The following CHIT1 variants were observed in gnomAD, a reference collection of about 807,000 sequenced individuals.
The protein encoded by CHIT1 is chitinase 1, also known as chitotriosidase-1.
A neutral mutation model predicts 52.0 loss-of-function variants in CHIT1; 47 were observed. That is an observed-to-expected ratio of 0.90 (90% CI 0.71 to 1.15). CHIT1 has a LOEUF of 1.15. CHIT1 is among the 50% of genes most tolerant of loss of function. CHIT1 has a pLI of 0.00. For missense variants in CHIT1, 569 were observed against 583.0 expected (o/e 0.98, Z 0.25); for synonymous variants, 242 against 228.2 (o/e 1.06, Z -0.54).
intron 9 of CHIT1, 55 bp from the exon 10 acceptor site, chr1:203,217,920 C>T: frequency 6.4e-7 from 1 of 1,573,422 alleles, no homozygotes; most frequent in Non-Finnish European, 8.6e-7. Flanking sequence ...CCCGGCCACC[C>T]CAGAGCCTGG....
At position 203,225,093 on chromosome 1, in the gene CHIT1, A is replaced by C. The variant is rs749800935; in HGVS notation, c.269T>G (p.Leu90Arg). The C allele has an allele frequency of 7.4e-6, 12 of 1,613,878 alleles. No individual in the cohort carries two copies. The highest frequency in any genetic ancestry group is 1.0e-5 in the Non-Finnish European group (12 of 1,179,942). ...FNGLKKMNPK[L>R]KTLLAIGGWN... ...GCCTCCGATGGCTAACAGGGTCTTC[A>C]GCTTGGGATTCCTGGGAAAGACAGG... The change falls in exon 4 of 11, where the codon CTG becomes CGG. Residue 90 changes from leucine to arginine, a missense_variant. Physicochemically the swap from Leu to Arg is moderately radical, Grantham distance 102. Coordinates refer to ENST00000367229, the MANE Select transcript of CHIT1 (RefSeq NM_003465.3).
At chr1:203,219,976 T>C (rs1220723892) in intron 7 of CHIT1, 127 bp from the exon 8 acceptor site, 1 of 1,179,304 alleles carries the variant, frequency 8.5e-7, no homozygotes, top group African/African-American at 1.5e-5. Flanking sequence ...GGGCCTTTGT[T>C]AGGATTCCAG....
At chr1:203,218,867 C>T (rs1245654164) in intron 9 of CHIT1, among the ~76,000 whole-genome samples, 10 of 152,152 alleles carry the variant, frequency 6.6e-5, no homozygotes, top group Non-Finnish European at 1.3e-4. Flanking sequence ...ATAAGTAAAG[C>T]AAAAGGTCTG....
intron 2 of CHIT1, among the ~76,000 whole-genome samples, chr1:203,227,656 A>G (rs1180730889): frequency 6.6e-6 from 1 of 152,228 alleles, no homozygotes; most frequent in East Asian, 1.9e-4. Flanking sequence ...GGAACACTGC[A>G]AGGAAGAAGT....
rs769203293 is a variant in CHIT1 at position 203,217,112 on chromosome 1, C to G, written c.1178G>C (p.Gly393Ala). 1 of 1,608,270 alleles carries G rather than the reference C, an allele frequency of 6.2e-7. No homozygotes were observed. Among genetic ancestry groups the G allele is most frequent in the Admixed American group, 1.7e-5 (1 of 60,032 alleles). Residue 393 changes from glycine to alanine, a missense_variant, in exon 11 of 11, where the codon GGC becomes GCC. Gly to Ala is a moderately conservative substitution (Grantham distance 60). Coordinates refer to ENST00000367229, the MANE Select transcript of CHIT1 (RefSeq NM_003465.3). ...TTTTGGAACTTCAAGCTCTGGGGTGCCTGAAGGCAAGTATGGAAGACCTGG... is the reference window on the plus strand; with the variant it reads ...TTTTGGAACTTCAAGCTCTGGGGTGGCTGAAGGCAAGTATGGAAGACCTGG... ...QELSLPYLPSGTPELEVPKPG... is the reference protein window; with the variant it reads ...QELSLPYLPSATPELEVPKPG...
In CHIT1 at chr1:203,222,225, C is replaced by T; in HGVS notation, c.706G>A (p.Gly236Ser). The change falls in exon 7 of 11, where the codon GGT becomes AGT. Residue 236 changes from glycine (G) to serine (S), a missense_variant. Transcript: ENST00000367229. ...SPLYKRQEES[G>S]AAASLNVDAA... The stretch of plus-strand genomic sequence containing the variant: ...ACCACGTTGAGGCTGGCTGCTGCAC[C>T]ACTCTCTTCTTGCCTCTTGTAGAGG... 6.2e-7 allele frequency: 1 copy of T among 1,614,154 alleles called. No individual in the cohort carries two copies. Among genetic ancestry groups the T allele is most frequent in the Non-Finnish European group, 8.5e-7 (1 of 1,180,036 alleles).
At chr1:203,217,360 A>T (rs1227740729) in intron 10 of CHIT1, 7 of 1,509,604 alleles carry the variant, frequency 4.6e-6, no homozygotes, top group Non-Finnish European at 5.3e-6. Context: ...CAGGCAGTTA[A>T]GGCTTTACCC....
rs776728163 is a variant in CHIT1, at chr1:203,225,703, T to C, written c.223A>G (p.Thr75Ala). 6.2e-7 allele frequency: 1 copy of C among 1,613,456 alleles called. No homozygotes were observed. The highest frequency in any genetic ancestry group is 8.5e-7 in the Non-Finnish European group (1 of 1,179,904). ...QLSTTEWNDE[T>A]LYQEFNGLKK... Reference sequence around the variant, plus strand: ...AGGCCATTGAACTCCTGGTAGAGAGTCTCGTCATTCCACTCAGTGGTGCTC... The same window carrying C: ...AGGCCATTGAACTCCTGGTAGAGAGCCTCGTCATTCCACTCAGTGGTGCTC... The change falls in exon 3 of 11, where the codon ACT becomes GCT. Residue 75 changes from threonine (T) to alanine (A), a missense_variant. Physicochemically the swap from Thr to Ala is moderately conservative, Grantham distance 58. Coordinates refer to ENST00000367229, the MANE Select transcript of CHIT1 (RefSeq NM_003465.3).
chr1:203,229,077 C>T (rs1342704108), intron 1 of CHIT1, among the ~76,000 whole-genome samples: 1 of 152,174 alleles, frequency 6.6e-6, no homozygotes, highest in Non-Finnish European at 1.5e-5. Context: ...GACCTAGGGT[C>T]TGACAGGACT....
chr1:203,229,607 C>T lies in CHIT1; in HGVS notation c.25+5G>A, dbSNP rs375254192. The T allele has an allele frequency of 1.2e-6, 2 of 1,613,982 alleles. No homozygotes were observed. The highest frequency in any genetic ancestry group is 2.7e-5 in the African/African-American group (2 of 74,936). ...CGAGACCCAGCCCACTATCCGACGG[C>T]TCACCTGCCCAGGCCACAGACCGCA... is the stretch of plus-strand genomic sequence containing the variant. On this transcript the variant is annotated splice_donor_5th_base_variant and intron_variant, in intron 1 of 10. Coordinates refer to ENST00000367229, the MANE Select transcript of CHIT1 (RefSeq NM_003465.3).
chr1:203,219,374 T>G (rs1201267963), intron 8 of CHIT1, 45 bp from the exon 9 acceptor site: 1 of 1,118,268 alleles, frequency 8.9e-7, no homozygotes, highest in East Asian at 2.3e-5. Context: ...GGGAGGCTCT[T>G]GCAGGCACCT....
At chr1:203,219,622 C>A (rs1262348949) in intron 8 of CHIT1, 42 bp downstream of exon 8, 1 of 1,608,886 alleles carries the variant, frequency 6.2e-7, no homozygotes, top group Non-Finnish European at 8.5e-7. Context: ...TCAGGCACCC[C>A]CTGACCCTCA....
intron 7 of CHIT1, among the ~76,000 whole-genome samples, chr1:203,221,586 A>G (rs138984684): frequency 1.1e-3 from 161 of 152,338 alleles, no homozygotes; most frequent in African/African-American, 3.8e-3. Flanking sequence ...ATGCCACTGC[A>G]TACCCTCCTT....
intron 7 of CHIT1, among the ~76,000 whole-genome samples, chr1:203,221,167 CT>C (rs1439252852): frequency 1.3e-5 from 2 of 152,216 alleles, no homozygotes; most frequent in Non-Finnish European, 2.9e-5. Flanking sequence ...CCCACTCCAG[CT>C]GACATACAGA....
chr1:203,219,193 C>T (rs770205318), intron 9 of CHIT1, 23 bp downstream of exon 9: 1 of 1,288,906 alleles, frequency 7.8e-7, no homozygotes, highest in South Asian at 1.2e-5. Context: ...GACCACCCCT[C>T]TGCCAGCAGA....
chr1:203,217,202 A>G, intron 10 of CHIT1, 69 bp from the exon 11 acceptor site: 3 of 1,598,038 alleles, frequency 1.9e-6, no homozygotes, highest in South Asian at 2.2e-5. Flanking sequence ...CAGAGCACAC[A>G]GGCAGCAACC....
chr1:203,218,558 C>T (rs558214819), intron 9 of CHIT1, among the ~76,000 whole-genome samples: 8 of 152,236 alleles, frequency 5.3e-5, no homozygotes, highest in African/African-American at 9.6e-5. Context: ...TCTGCACCCG[C>T]GTCTTTGCTT....
At chr1:203,225,567 T>A in intron 3 of CHIT1, 102 bp downstream of exon 3, 2 of 1,193,222 alleles carry the variant, frequency 1.7e-6, no homozygotes, top group Non-Finnish European at 2.5e-6. Flanking sequence ...ACACAGTGGG[T>A]CTGTGGCAGG....
At chr1:203,225,192 G>T in intron 3 of CHIT1, 88 bp from the exon 4 acceptor site, 2 of 1,238,816 alleles carry the variant, frequency 1.6e-6, no homozygotes, top group Admixed American at 1.7e-5. Flanking sequence ...GGAACAACAG[G>T]GGTGGGGACG....
Sources: allele counts gnomAD v4.1 joint callset (sites outside exome capture counted in the v4.1 genomes callset), GRCh38; gene constraint gnomAD v4.1.1; transcripts MANE v1.5; gene names NCBI Gene and HGNC (gene_info 2026-07-23, HGNC 2026-07-21).